RYR1: variants seen among roughly 807,000 people sequenced by gnomAD.
The protein encoded by RYR1 is central core disease of muscle.
In RYR1, 342 loss-of-function variants were observed where a neutral mutation model predicts 583.5. The ratio of observed to expected loss-of-function variants is 0.59; its 90% CI spans 0.54 to 0.64. The LOEUF is 0.64. Among genes scored for constraint, RYR1 ranks in the 30% least tolerant of loss-of-function variants. The pLI is 0.00. For missense variants in RYR1, 6,032 were observed against 6,917.2 expected (o/e 0.87, Z 4.54); for synonymous variants, 2,791 against 2,822.5 (o/e 0.99, Z 0.35).
chr19:38,475,807 T>C (rs142187209), intron 29 of RYR1, among the ~76,000 whole-genome samples: 1 of 152,190 alleles, frequency 6.6e-6, no homozygotes, highest in East Asian at 1.9e-4. Flanking sequence ...AATATATTAC[T>C]GGGAACAAAA....
At position 38,444,856 on chromosome 19, in the gene RYR1, AC is replaced by A. The variant is rs1344442069; in HGVS notation, c.631+186del. On this transcript the variant is annotated intron_variant, in intron 7 of 105. Coordinates refer to ENST00000359596, the MANE Select transcript of RYR1 (RefSeq NM_000540.3). The surrounding 1 kb of genome is among the most constrained non-coding windows in gnomAD (Gnocchi z 5.1). The stretch of plus-strand genomic sequence containing the variant: ...CAAATCCAGACCCCCAGAGCTCAGA[AC>A]CCCCCCAAACCCCGAACTAAATATC... Among the ~76,000 whole-genome samples, 2 of 144,074 alleles carry A rather than the reference AC, an allele frequency of 1.4e-5. No homozygotes were observed. The highest frequency in any genetic ancestry group is 2.5e-5 in the African/African-American group (1 of 39,748). The allele number at this position is 144,074 out of a possible 152,430, so 94.5% of individuals were successfully genotyped here. A position where few individuals can be genotyped will look rare whatever the true frequency, so the allele number is the denominator to read the frequency against.
intron 56 of RYR1, 56 bp downstream of exon 56, chr19:38,506,602 G>A: frequency 6.3e-7 from 1 of 1,598,408 alleles, no homozygotes; most frequent in South Asian, 1.1e-5. Flanking sequence ...GTGTGGTTTT[G>A]CTGATTGCCT....
At position 38,448,501 on chromosome 19, in the gene RYR1, G is replaced by T. The variant is rs193922761; in HGVS notation, c.947G>T (p.Arg316Leu). The change falls in exon 10 of 106, where the codon CGC becomes CTC. Residue 316 changes from arginine (R) to leucine (L), a missense_variant. Around this residue, in one of 11 missense-constraint regions of RYR1, gnomAD observed 338 missense variants for 441.6 expected, o/e 0.77. Transcript: ENST00000359596. ...ACCAAGGCTACCTCCTTCTGCTTCC[G>T]CATCTCCAAGGTCAGTGGGGTTTGT... ...AHTKATSFCF[R>L]ISKEKLDVAP... is the part of the protein sequence containing the mutation. The T allele has an allele frequency of 6.2e-6, 10 of 1,613,912 alleles. No homozygotes were observed. The East Asian group carries it at 2.0e-4, about 32-fold the overall frequency.
chr19:38,490,998 G>T (rs1969527295), intron 37 of RYR1, among the ~76,000 whole-genome samples: 1 of 152,218 alleles, frequency 6.6e-6, no homozygotes, highest in Non-Finnish European at 1.5e-5. Context: ...AAAAATGGCT[G>T]GCTGGATAGA....
chr19:38,486,476 G>A (rs1051774346), intron 34 of RYR1, among the ~76,000 whole-genome samples: 2 of 152,028 alleles, frequency 1.3e-5, no homozygotes, highest in African/African-American at 2.4e-5. Context: ...CCCGAGTAGC[G>A]GGGACTACAG....
intron 2 of RYR1, among the ~76,000 whole-genome samples, chr19:38,441,571 G>A (rs7507369): frequency 6.6e-6 from 1 of 151,538 alleles, no homozygotes; most frequent in Non-Finnish European, 1.5e-5. Context: ...GGATCGAGGG[G>A]CCGAGGGCCT....
intron 89 of RYR1, among the ~76,000 whole-genome samples, chr19:38,558,654 C>T (rs763949395): frequency 6.6e-6 from 1 of 151,570 alleles, no homozygotes; most frequent in Non-Finnish European, 1.5e-5. Context: ...TAGCACATGC[C>T]TGTAATCTCA....
At chr19:38,480,876 C>T (rs187746753) in intron 31 of RYR1, among the ~76,000 whole-genome samples, 1,658 of 151,928 alleles carry the variant, frequency 0.011, 16 homozygotes, top group Non-Finnish European at 0.018. Flanking sequence ...TACAGGTGTG[C>T]GCCACCACAC....
chr19:38,552,946 C>A (rs78632348), intron 89 of RYR1, among the ~76,000 whole-genome samples: 10,320 of 152,242 alleles, frequency 0.068, 470 homozygotes, highest in Middle Eastern at 0.14. Context: ...TGACATTTTA[C>A]AGCTCAACAT....
intron 34 of RYR1, among the ~76,000 whole-genome samples, chr19:38,488,917 C>CT (rs1969422417): frequency 6.6e-6 from 1 of 152,194 alleles, no homozygotes; most frequent in African/African-American, 2.4e-5. Context: ...AGAAAGGACA[C>CT]TCGCCTGTGA....
chr19:38,481,018 T>C (rs964703399), intron 31 of RYR1, among the ~76,000 whole-genome samples: 1 of 152,052 alleles, frequency 6.6e-6, no homozygotes, highest in Non-Finnish European at 1.5e-5. Flanking sequence ...TGAGGCAGCA[T>C]GCTCAACCTT....
At chr19:38,437,408 C>G (rs775444722) in intron 1 of RYR1, among the ~76,000 whole-genome samples, 9 of 152,124 alleles carry the variant, frequency 5.9e-5, no homozygotes, top group Admixed American at 2.0e-4. Context: ...ATTGGGCTCT[C>G]TGTCGCTGCT....
At position 38,458,238 on chromosome 19, in the gene RYR1, G is replaced by C; in HGVS notation, c.2113G>C (p.Gly705Arg). 6.2e-7 allele frequency: 1 copy of C among 1,613,992 alleles called. No homozygotes were observed. The highest frequency in any genetic ancestry group is 8.5e-7 in the Non-Finnish European group (1 of 1,180,000). Residue 705 changes from glycine (G) to arginine (R), a missense_variant, in exon 18 of 106, where the codon GGG (glycine) becomes CGG (arginine). This residue lies in a region of RYR1 where 2,627 missense variants were observed against 2,961.3 expected (regional missense o/e 0.89). Coordinates refer to ENST00000359596, the MANE Select transcript of RYR1 (RefSeq NM_000540.3). Reference sequence around the variant, plus strand: ...GGCCGGCGAGGGCTGGGGCGGCAACGGGGTCGGCGATGACCTCTATTCCTA... The same window carrying C: ...GGCCGGCGAGGGCTGGGGCGGCAACCGGGTCGGCGATGACCTCTATTCCTA... Reference protein sequence around the residue: ...PGAGEGWGGNGVGDDLYSYGF... With the variant: ...PGAGEGWGGNRVGDDLYSYGF...
chr19:38,490,693 G>T lies in RYR1; in HGVS notation c.6088G>T (p.Asp2030Tyr), dbSNP rs1180450030. The T allele has an allele frequency of 6.2e-7, 1 of 1,614,016 alleles. No individual in the cohort carries two copies. The highest frequency in any genetic ancestry group is 8.5e-7 in the Non-Finnish European group (1 of 1,179,876). ...DCPLPEEIRQDLLDFHQDLLA... is the reference protein window; with the variant it reads ...DCPLPEEIRQYLLDFHQDLLA... ...TCCTCTCCCTGAAGAGATTCGACAGGATTTGCTTGACTTTCATCAAGACCT... is the reference window on the plus strand; with the variant it reads ...TCCTCTCCCTGAAGAGATTCGACAGTATTTGCTTGACTTTCATCAAGACCT... Residue 2030 changes from aspartate (D) to tyrosine (Y), a missense_variant, in exon 37 of 106, where the codon GAT becomes TAT. By Grantham distance (160) the Asp-to-Tyr change is radical (BLOSUM62 -3). Transcript: ENST00000359596.
chr19:38,528,309 G>A lies in RYR1; in HGVS notation c.10828G>A (p.Glu3610Lys), dbSNP rs1600933909. The A allele has an allele frequency of 4.3e-6, 7 of 1,613,898 alleles. No individual in the cohort carries two copies. Among genetic ancestry groups the A allele is most frequent in the East Asian group, 2.2e-5 (1 of 44,874 alleles). The change falls in exon 74 of 106, where the codon GAG (glutamate) becomes AAG (lysine). Residue 3610 changes from glutamate (E) to lysine (K), a missense_variant. This residue lies in a region of RYR1 where 1,493 missense variants were observed against 1,715.5 expected (regional missense o/e 0.87). Coordinates refer to ENST00000359596, the MANE Select transcript of RYR1 (RefSeq NM_000540.3). ...SAVLYYLDQT[E>K]HPYKSKKAVW... ...TGTCCTGCTATCCCCTCCCCAGACC[G>A]AGCACCCTTACAAGTCTAAGAAGGC...
At chr19:38,505,778 C>G in intron 53 of RYR1, 28 bp from the exon 54 acceptor site, 1 of 1,613,894 alleles carries the variant, frequency 6.2e-7, no homozygotes, top group Non-Finnish European at 8.5e-7. Flanking sequence ...CCCATTCCAC[C>G]AACTCCCCAC....
At chr19:38,471,707 C>T (rs747160382) in intron 27 of RYR1, among the ~76,000 whole-genome samples, 3 of 151,888 alleles carry the variant, frequency 2.0e-5, no homozygotes, top group Non-Finnish European at 2.9e-5. Context: ...TCGAGACCAG[C>T]CTGGCCAACA....
intron 89 of RYR1, among the ~76,000 whole-genome samples, chr19:38,560,141 A>T (rs188617311): frequency 6.6e-6 from 1 of 152,232 alleles, no homozygotes; most frequent in East Asian, 1.9e-4. Flanking sequence ...AGGAGGGCAA[A>T]TCACCTGAGT....
At chr19:38,520,970 C>T (rs746164453) in intron 67 of RYR1, among the ~76,000 whole-genome samples, 11 of 152,100 alleles carry the variant, frequency 7.2e-5, no homozygotes, top group African/African-American at 2.2e-4. Context: ...TTAATGTTCA[C>T]GAGCAGATAA....
Sources: allele counts gnomAD v4.1 joint callset (sites outside exome capture counted in the v4.1 genomes callset), GRCh38; gene constraint gnomAD v4.1.1; regional missense constraint gnomAD v4.1.1; non-coding constraint Gnocchi (gnomAD v3.1); transcripts MANE v1.5; gene names NCBI Gene and HGNC (gene_info 2026-07-23, HGNC 2026-07-21).